Variants in DMXL1 observed in about 807,000 individuals in gnomAD.
DMXL1 encodes the protein dmX-like protein 1.
A neutral mutation model predicts 319.2 loss-of-function variants in DMXL1; 99 were observed. The ratio of observed to expected loss-of-function variants is 0.31; its 90% confidence interval spans 0.26 to 0.37. DMXL1 has a LOEUF of 0.37. DMXL1 is among the 10% of genes least tolerant of loss of function. The pLI, the probability that DMXL1 is intolerant of heterozygous loss-of-function variation, is 1.00. For missense variants in DMXL1, 3,745 were observed against 3,595.6 expected (o/e 1.04, Z -1.06); for synonymous variants, 1,385 against 1,235.2 (o/e 1.12, Z -2.54).
At chr5:119,156,482 C>A (rs1315347425) in intron 19 of DMXL1, among the ~76,000 whole-genome samples, 1 of 152,044 alleles carries the variant, frequency 6.6e-6, no homozygotes, top group African/African-American at 2.4e-5. Flanking sequence ...ACGATATTTT[C>A]TTTATTAATT....
Position 119,126,088 on chromosome 5 carries a change from A to G in DMXL1, c.1103-3123A>G, listed in dbSNP as rs1763495492. 4.6e-5 allele frequency among the ~76,000 whole-genome samples: 7 copies of G among 152,274 alleles called. No individual in the cohort carries two copies. In the South Asian group the frequency reaches 1.5e-3, roughly 32 times the overall value. ...GTGGTGAAGTCAGGAATTTGAAACC[A>G]GCCTGGCCAACATGGTGAAACCCCG... On this transcript the variant is annotated intron_variant, in intron 9 of 43. Coordinates refer to ENST00000539542, the MANE Select transcript of DMXL1 (RefSeq NM_001290321.3).
intron 28 of DMXL1, among the ~76,000 whole-genome samples, chr5:119,182,725 A>T (rs907860832): frequency 2.0e-5 from 3 of 151,742 alleles, no homozygotes; most frequent in African/African-American, 7.3e-5. Flanking sequence ...ACTTAATCAA[A>T]TTTTTTTTGG....
chr5:119,151,993 T>C lies in DMXL1; in HGVS notation c.4659T>C (p.Leu1553=). The C allele has an allele frequency of 6.2e-7, 1 of 1,613,294 alleles. No individual in the cohort carries two copies. The highest frequency in any genetic ancestry group is 8.5e-7 in the Non-Finnish European group (1 of 1,179,540). The change falls in exon 19 of 44, where the codon CTT becomes CTC. Residue 1553 remains leucine, a synonymous_variant. Transcript: ENST00000539542. ...FLLAVRLHTF[L]TTSLPAYRAQ... is the part of the protein sequence containing the mutation. ...TGGCTGTTCGACTCCATACCTTTCT[T>C]ACAACTTCCCTTCCAGCCTATCGAG...
At chr5:119,178,364 G>C in intron 28 of DMXL1, 120 bp downstream of exon 28, 1 of 1,168,862 alleles carries the variant, frequency 8.6e-7, no homozygotes, top group Admixed American at 2.7e-5. Context: ...TTTGCGAAAA[G>C]CATAAACAAA....
intron 34 of DMXL1, among the ~76,000 whole-genome samples, chr5:119,208,535 A>C (rs1031528097): frequency 1.3e-5 from 2 of 152,132 alleles, no homozygotes; most frequent in African/African-American, 4.8e-5. Flanking sequence ...ATTCTTATAC[A>C]AACATTTTTG....
intron 38 of DMXL1, among the ~76,000 whole-genome samples, 178 bp downstream of exon 38, chr5:119,224,947 G>C (rs1351097464): frequency 6.6e-6 from 1 of 151,880 alleles, no homozygotes; most frequent in East Asian, 1.9e-4. Context: ...GGTAAAAATA[G>C]AAAAAGATAT....
In DMXL1 at chr5:119,170,215, T is replaced by A; in HGVS notation, c.5424T>A (p.Pro1808=). 1 of 1,603,442 alleles carries A rather than the reference T, an allele frequency of 6.2e-7. No homozygotes were observed. The highest frequency in any genetic ancestry group is 8.5e-7 in the Non-Finnish European group (1 of 1,177,092). The change falls in exon 24 of 44, where the codon CCT becomes CCA. Residue 1808 remains proline (P), a synonymous_variant. Coordinates refer to ENST00000539542, the MANE Select transcript of DMXL1 (RefSeq NM_001290321.3). ...NDDQVLSASN[P]TVFNFYNYLR... ...ATCAAGTTTTATCAGCCAGTAATCC[T>A]ACAGTTTTTAATTTCTACAATTATC... is the stretch of plus-strand genomic sequence containing the variant.
At chr5:119,075,973 A>G (rs1157340561) in intron 1 of DMXL1, among the ~76,000 whole-genome samples, 2 of 152,192 alleles carry the variant, frequency 1.3e-5, no homozygotes, top group Non-Finnish European at 2.9e-5. Flanking sequence ...TTTTATGCAT[A>G]CTATTGATAT....
At position 119,114,560 on chromosome 5, in the gene DMXL1, A is replaced by G. The variant is rs766712404; in HGVS notation, c.564+19A>G. 25 of 1,560,700 alleles carry G rather than the reference A, an allele frequency of 1.6e-5. No homozygotes were observed. The highest frequency in any genetic ancestry group is 8.2e-5 in the African/African-American group (6 of 73,542). ...TGGGAAGGTAAATTGTGAAAATGCT[A>G]TTGCCAAATTATGTGTTTATAGTTT... On this transcript the variant is annotated intron_variant, in intron 6 of 43. Transcript: ENST00000539542.
At chr5:119,146,145 C>T (rs1768478856) in intron 15 of DMXL1, among the ~76,000 whole-genome samples, 2 of 151,862 alleles carry the variant, frequency 1.3e-5, no homozygotes, top group Admixed American at 1.3e-4. Flanking sequence ...ATAATACCTG[C>T]TTTCTCATGT....
chr5:119,171,009 C>T lies in DMXL1; in HGVS notation c.6218C>T (p.Thr2073Ile). The T allele has an allele frequency of 6.2e-7, 1 of 1,613,810 alleles. No homozygotes were observed. The highest frequency in any genetic ancestry group is 8.5e-7 in the Non-Finnish European group (1 of 1,179,892). ...LEKEVIALQR[T>I]CDFCSDAEEL... is the part of the protein sequence containing the mutation. Reference sequence around the variant, plus strand: ...AAAGAGGTGATAGCTCTTCAGAGGACTTGTGACTTTTGCTCAGATGCTGAA... The same window carrying T: ...AAAGAGGTGATAGCTCTTCAGAGGATTTGTGACTTTTGCTCAGATGCTGAA... The change falls in exon 24 of 44, where the codon ACT becomes ATT. Residue 2073 changes from threonine to isoleucine, a missense_variant. Transcript: ENST00000539542.
chr5:119,138,914 A>G (rs929510845), intron 13 of DMXL1: 1 of 152,236 alleles, frequency 6.6e-6, no homozygotes, highest in Non-Finnish European at 1.5e-5. Context: ...GAAGATGAGC[A>G]TGGCTCCTGT....
intron 1 of DMXL1, among the ~76,000 whole-genome samples, chr5:119,095,244 A>G (rs1452728845): frequency 6.6e-6 from 1 of 152,220 alleles, no homozygotes; most frequent in African/African-American, 2.4e-5. Flanking sequence ...AAAAAGTCAA[A>G]TAGTAGTAGT....
At chr5:119,123,801 T>C (rs1423156644) in intron 9 of DMXL1, among the ~76,000 whole-genome samples, 3 of 186 alleles carry the variant, frequency 0.016, no homozygotes, top group Non-Finnish European at 0.029. Flanking sequence ...TGGCCTTTCT[T>C]TACCTTTCTT....
At chr5:119,177,959 T>G in intron 27 of DMXL1, 37 bp from the exon 28 acceptor site, 6 of 1,525,274 alleles carry the variant, frequency 3.9e-6, no homozygotes, top group Non-Finnish European at 4.4e-6. Context: ...TTTAAAAATT[T>G]ATAGTCAGTG....
chr5:119,210,884 T>C (rs1581350415), intron 34 of DMXL1, among the ~76,000 whole-genome samples: 1 of 151,730 alleles, frequency 6.6e-6, no homozygotes, highest in East Asian at 1.9e-4. Context: ...CTTTTATTAT[T>C]AAGTATAATG....
chr5:119,208,351 T>TTA (rs1782124219), intron 34 of DMXL1, among the ~76,000 whole-genome samples: 2 of 151,838 alleles, frequency 1.3e-5, no homozygotes. Flanking sequence ...GTAGCTGGGA[T>TTA]TACACGCATG....
Position 119,116,318 on chromosome 5 carries a change from C to G in DMXL1, c.725C>G (p.Thr242Arg), listed in dbSNP as rs1480086626. The G allele has an allele frequency of 1.2e-6, 2 of 1,613,954 alleles. No individual in the cohort carries two copies. The highest frequency in any genetic ancestry group is 2.2e-5 in the East Asian group (1 of 44,874). Residue 242 changes from threonine (T) to arginine (R), a missense_variant, in exon 7 of 44, where the codon ACA becomes AGA. Physicochemically the swap from Thr to Arg is moderately conservative, Grantham distance 71. Coordinates refer to ENST00000539542, the MANE Select transcript of DMXL1 (RefSeq NM_001290321.3). ...RAVNGFSWRKTSKYMPRASVC... is the reference protein window; with the variant it reads ...RAVNGFSWRKRSKYMPRASVC... ...GTAAATGGATTTTCCTGGCGTAAAA[C>G]AAGCAAATATATGCCTAGGTCAGTG... is the stretch of plus-strand genomic sequence containing the variant.
intron 39 of DMXL1, chr5:119,236,352 A>T (rs1388914573): frequency 1.3e-5 from 2 of 152,036 alleles, no homozygotes; most frequent in Non-Finnish European, 2.9e-5. Flanking sequence ...CCATTTCTAG[A>T]TGTCTATCCT....
Sources: allele counts gnomAD v4.1 joint callset (sites outside exome capture counted in the v4.1 genomes callset), GRCh38; gene constraint gnomAD v4.1.1; transcripts MANE v1.5; gene names NCBI Gene and HGNC (gene_info 2026-07-23, HGNC 2026-07-21).